The following SENP3 variants were observed in gnomAD, a reference collection of about 807,000 sequenced individuals.
The protein encoded by SENP3 is sentrin-specific protease 3.
In SENP3, 11 loss-of-function variants were observed where a neutral mutation model predicts 66.2. That is an observed-to-expected ratio of 0.17 (90% confidence interval 0.10 to 0.28). SENP3 has a LOEUF of 0.28. Among genes scored for constraint, SENP3 ranks in the 10% least tolerant of loss-of-function variants. SENP3 has a pLI of 1.00. For synonymous variants in SENP3, 292 were observed against 277.6 expected (o/e 1.05, Z -0.52); for missense variants, 548 against 743.7 (o/e 0.74, Z 3.06).
chr17:7,571,456 G>A lies in SENP3; in HGVS notation c.1698G>A (p.Glu566=), dbSNP rs769224372. The change falls in exon 11 of 11, where the codon GAG becomes GAA. Residue 566 remains glutamate (E), a synonymous_variant. Coordinates refer to ENST00000321337, the MANE Select transcript of SENP3 (RefSeq NM_015670.6). ...AACTTCGTCGGCAGATCTACAAGGA[G>A]CTGTGTCACTGCAAACTCACTGTGT... is the stretch of plus-strand genomic sequence containing the variant. The part of the protein sequence containing the change: ...MPKLRRQIYK[E]LCHCKLTV 8.1e-6 allele frequency: 13 copies of A among 1,613,692 alleles called. No homozygotes were observed. The South Asian group carries it at 9.9e-5, about 12-fold the overall frequency.
At chr17:7,571,067 AAC>A (rs1433444939) in intron 10 of SENP3, 134 bp downstream of exon 10, 4 of 774,796 alleles carry the variant, frequency 5.2e-6, no homozygotes, top group Non-Finnish European at 8.3e-6. Flanking sequence ...AGAACACCAA[AAC>A]ACTGGCTTCA....
At position 7,571,326 on chromosome 17, in the gene SENP3, G is replaced by A. The variant is rs375237137; in HGVS notation, c.1615-47G>A. 1.3e-5 allele frequency: 17 copies of A among 1,358,242 alleles called. No individual in the cohort carries two copies. In the African/African-American group the frequency reaches 2.3e-4, roughly 18 times the overall value. 84.1% of individuals were successfully genotyped at this position (1,358,242 alleles called of 1,614,324 possible). ...CATCTCATATGAAATGTGTAGCACA[G>A]GTCCTGACACGGGGGGTTTCTCATG... On this transcript the variant is annotated intron_variant, in intron 10 of 10. Coordinates refer to ENST00000321337, the MANE Select transcript of SENP3 (RefSeq NM_015670.6).
chr17:7,565,864 T>A, intron 6 of SENP3, 100 bp downstream of exon 6: 1 of 1,036,944 alleles, frequency 9.6e-7, no homozygotes. Flanking sequence ...AGAGAGGGTC[T>A]CTGTTTCAGG....
intron 10 of SENP3, 117 bp from the exon 11 acceptor site, chr17:7,571,256 G>A (rs1340759819): frequency 1.5e-5 from 11 of 744,156 alleles, no homozygotes; most frequent in Non-Finnish European, 2.5e-5. Flanking sequence ...CCCAGGCTGT[G>A]GGACCCTGGC....
At position 7,564,621 on chromosome 17, in the gene SENP3, A is replaced by G. The variant is rs755446404; in HGVS notation, c.716-4A>G. The G allele has an allele frequency of 6.2e-7, 1 of 1,613,894 alleles. No homozygotes were observed. Among genetic ancestry groups the G allele is most frequent in the South Asian group, 1.1e-5 (1 of 91,064 alleles). ...ATGCCCATTCCATTTCCCCTGCCCT[A>G]TAGGCCTCCTTTCATGTACTCTGCC... is the stretch of plus-strand genomic sequence containing the variant. On this transcript the variant is annotated splice_region_variant and splice_polypyrimidine_tract_variant and intron_variant, in intron 2 of 10. Transcript: ENST00000321337.
rs1036895689 is a variant in SENP3, at chr17:7,562,845, C to T, written c.-11-221C>T. 3.3e-5 allele frequency among the ~76,000 whole-genome samples: 5 copies of T among 152,310 alleles called. No homozygotes were observed. The highest frequency in any genetic ancestry group is 9.6e-5 in the African/African-American group (4 of 41,564). ...AAGATCTCTGAGGCCTGCTGCTTAG[C>T]CATTTTCCCTTGTCTCTGGACTGGG... On this transcript the variant is annotated intron_variant, in intron 1 of 10. Coordinates refer to ENST00000321337, the MANE Select transcript of SENP3 (RefSeq NM_015670.6). This position sits in a 1 kb window ranked among gnomAD's most constrained non-coding sequence, Gnocchi z 5.0.
intron 2 of SENP3, 99 bp from the exon 3 acceptor site, chr17:7,564,526 C>T (rs953516056): frequency 2.0e-6 from 3 of 1,508,812 alleles, no homozygotes; most frequent in South Asian, 2.4e-5. Flanking sequence ...GTGTATCCTT[C>T]TTGCGGTCTT....
intron 7 of SENP3, among the ~76,000 whole-genome samples, chr17:7,569,027 A>G (rs1285987091): frequency 1.3e-5 from 2 of 152,190 alleles, no homozygotes; most frequent in African/African-American, 2.4e-5. Flanking sequence ...AAAGCCCCAC[A>G]AACACTTCTT....
Position 7,571,842 on chromosome 17 carries a change from TATATATATATATATATATA to T in SENP3, c.*360_*378del, listed in dbSNP as rs2071319977. 40 of 19,950 alleles carry T rather than the reference TATATATATATATATATATA, an allele frequency of 2.0e-3. 6 individuals carry two copies. Among genetic ancestry groups the T allele is most frequent in the Admixed American group, 2.7e-3 (5 of 1,858 alleles). 1.2% of individuals were successfully genotyped at this position (19,950 alleles called of 1,614,324 possible). On this transcript the variant is annotated 3_prime_UTR_variant, in exon 11 of 11. Transcript: ENST00000321337. ...CCTGCCAGATCTTCAAACTTTTATA[TATATATATATATATATATA>T]TATATATATATATATATATATATAT...
rs749222086 is a variant in SENP3, at chr17:7,563,232, T to A, written c.156T>A (p.Pro52=). The A allele has an allele frequency of 2.7e-5, 43 of 1,567,818 alleles. No individual in the cohort carries two copies. Among genetic ancestry groups the A allele is most frequent in the Non-Finnish European group, 3.5e-5 (40 of 1,156,298 alleles). Residue 52 remains proline, a synonymous_variant, in exon 2 of 11, where the codon CCT becomes CCA. Transcript: ENST00000321337. ...CAGGTGGAGGGTTTGGGCCAGATCCTGGGTCAGGGACCACAGTGCCAGCCA... is the reference window on the plus strand; with the variant it reads ...CAGGTGGAGGGTTTGGGCCAGATCCAGGGTCAGGGACCACAGTGCCAGCCA... ...LKSGGGFGPD[P]GSGTTVPARR...
intron 2 of SENP3, among the ~76,000 whole-genome samples, chr17:7,564,183 C>T (rs2071248625): frequency 6.6e-6 from 1 of 152,146 alleles, no homozygotes; most frequent in Admixed American, 6.5e-5. Flanking sequence ...GGGATCTCTC[C>T]CAGTAGTGGA....
Position 7,570,729 on chromosome 17 carries a change from G to C in SENP3, c.1528G>C (p.Asp510His). Residue 510 changes from aspartate (D) to histidine (H), a missense_variant, in exon 9 of 11, where the codon GAT (aspartate) becomes CAT (histidine). Physicochemically the swap from Asp to His is moderately conservative, Grantham distance 81. Around this residue, in one of 6 missense-constraint regions of SENP3, gnomAD observed 81 missense variants for 139.8 expected, o/e 0.58. Transcript: ENST00000321337. The surrounding 1 kb of genome is among the most constrained non-coding windows in gnomAD (Gnocchi z 5.4). The part of the protein sequence containing the change: ...QAEAVKKDRL[D>H]FHQGWKGYFK... ...AGAGGCGGTAAAGAAAGACCGACTGGATTTCCACCAGGGCTGGAAAGGTTA... is the reference window on the plus strand; with the variant it reads ...AGAGGCGGTAAAGAAAGACCGACTGCATTTCCACCAGGGCTGGAAAGGTTA... The C allele has an allele frequency of 6.2e-7, 1 of 1,612,858 alleles. No homozygotes were observed.
chr17:7,570,956 TCCC>T lies in SENP3; in HGVS notation c.1614+25_1614+27del, dbSNP rs775980192. 6.2e-7 allele frequency: 1 copy of T among 1,608,766 alleles called. No homozygotes were observed. The highest frequency in any genetic ancestry group is 8.5e-7 in the Non-Finnish European group (1 of 1,176,646). Reference sequence around the variant, plus strand: ...CAGGTAAGCAGATGATGGGGCCACCTCCCCTAGCTCTGAAGTCAGTTGGGTTAA... The same window carrying T: ...CAGGTAAGCAGATGATGGGGCCACCTCTAGCTCTGAAGTCAGTTGGGTTAA... On this transcript the variant is annotated intron_variant, in intron 10 of 10. Coordinates refer to ENST00000321337, the MANE Select transcript of SENP3 (RefSeq NM_015670.6). This position sits in a 1 kb window ranked among gnomAD's most constrained non-coding sequence, Gnocchi z 5.4.
chr17:7,562,613 C>T lies in SENP3; in HGVS notation c.-12+350C>T, dbSNP rs2071227830. 6.6e-6 allele frequency among the ~76,000 whole-genome samples: 1 copy of T among 152,240 alleles called. No homozygotes were observed. The highest frequency in any genetic ancestry group is 2.1e-4 in the South Asian group (1 of 4,836). On this transcript the variant is annotated intron_variant, in intron 1 of 10. Coordinates refer to ENST00000321337, the MANE Select transcript of SENP3 (RefSeq NM_015670.6). The surrounding 1 kb of genome is among the most constrained non-coding windows in gnomAD (Gnocchi z 5.0). ...AGATGACCGCAGCCTTCCCATGCCC[C>T]CCGTTCATCCAGGGTGTTAGAGAAC...
rs2071232693 is a variant in SENP3 at position 7,562,981 on chromosome 17, C to A, written c.-11-85C>A. The A allele has an allele frequency of 1.5e-6, 2 of 1,337,582 alleles. No individual in the cohort carries two copies. The allele number at this position is 1,337,582 out of a possible 1,614,324, so 82.9% of individuals were successfully genotyped here. On this transcript the variant is annotated intron_variant, in intron 1 of 10. Coordinates refer to ENST00000321337, the MANE Select transcript of SENP3 (RefSeq NM_015670.6). This position sits in a 1 kb window ranked among gnomAD's most constrained non-coding sequence, Gnocchi z 5.0. ...CTCTTTTCTTTATTTGCATCTGAAT[C>A]CAGAGGAGGCATGGCCAGGAAGAGA...
In SENP3 at chr17:7,564,848, T is replaced by C; in HGVS notation, c.939T>C (p.His313=). 2 of 1,611,594 alleles carry C rather than the reference T, an allele frequency of 1.2e-6. No homozygotes were observed. ...AGQHSPLREE[H]VTCVQSILDE... is the part of the protein sequence containing the mutation. ...AGCACAGCCCCCTGCGAGAGGAGCATGTGACCTGCGTACAGAGTAAGGAGC... is the reference window on the plus strand; with the variant it reads ...AGCACAGCCCCCTGCGAGAGGAGCACGTGACCTGCGTACAGAGTAAGGAGC... Residue 313 remains histidine, a synonymous_variant, in exon 3 of 11, where the codon CAT becomes CAC. Transcript: ENST00000321337.
rs759886801 is a variant in SENP3, at chr17:7,571,540, C to A, written c.*57C>A. ...GGGAAGGGAGACATGGGAGTCCCTTCCCAAGAAACTCCAGTTCCTTTCCTC... is the reference window on the plus strand; with the variant it reads ...GGGAAGGGAGACATGGGAGTCCCTTACCAAGAAACTCCAGTTCCTTTCCTC... On this transcript the variant is annotated 3_prime_UTR_variant, in exon 11 of 11. Coordinates refer to ENST00000321337, the MANE Select transcript of SENP3 (RefSeq NM_015670.6). 157 of 1,215,372 alleles carry A rather than the reference C, an allele frequency of 1.3e-4. No individual in the cohort carries two copies. Among genetic ancestry groups the A allele is most frequent in the Non-Finnish European group, 1.7e-4 (140 of 824,852 alleles). 75.3% of individuals were successfully genotyped at this position (1,215,372 alleles called of 1,614,324 possible). A position where few individuals can be genotyped will look rare whatever the true frequency, so the allele number is the denominator to read the frequency against.
In SENP3 at chr17:7,571,522, G is replaced by C. The variant is rs2150921957; in HGVS notation, c.*39G>C. On this transcript the variant is annotated 3_prime_UTR_variant, in exon 11 of 11. Coordinates refer to ENST00000321337, the MANE Select transcript of SENP3 (RefSeq NM_015670.6). ...GACCCCAAGCCCATAAATGGGAAGG[G>C]AGACATGGGAGTCCCTTCCCAAGAA... The C allele has an allele frequency of 7.1e-7, 1 of 1,409,354 alleles. No individual in the cohort carries two copies. Among genetic ancestry groups the C allele is most frequent in the South Asian group, 1.2e-5 (1 of 86,136 alleles). 87.3% of individuals were successfully genotyped at this position (1,409,354 alleles called of 1,614,324 possible).
rs1463678783 is a variant in SENP3 at position 7,570,075 on chromosome 17, G to GTTC, written c.1342-278_1342-276dup. ...GCAGGCTCCAGAATCCTGGGCCTGG[G>GTTC]TTCTTAGCTGCTAAGTGCTTCTCCC... On this transcript the variant is annotated intron_variant, in intron 7 of 10. Coordinates refer to ENST00000321337, the MANE Select transcript of SENP3 (RefSeq NM_015670.6). This position sits in a 1 kb window ranked among gnomAD's most constrained non-coding sequence, Gnocchi z 5.4. Among the ~76,000 whole-genome samples the GTTC allele has an allele frequency of 6.6e-6, 1 of 152,204 alleles. No homozygotes were observed.
Sources: allele counts gnomAD v4.1 joint callset (sites outside exome capture counted in the v4.1 genomes callset), GRCh38; gene constraint gnomAD v4.1.1; regional missense constraint gnomAD v4.1.1; non-coding constraint Gnocchi (gnomAD v3.1); transcripts MANE v1.5; gene names NCBI Gene and HGNC (gene_info 2026-07-23, HGNC 2026-07-21).